The following SUGCT variants were observed in gnomAD, a reference collection of about 807,000 sequenced individuals.
SUGCT encodes succinyl-CoA:glutarate CoA-transferase.
A neutral mutation model predicts 55.0 loss-of-function variants in SUGCT; 41 were observed. The ratio of observed to expected loss-of-function variants is 0.74; its 90% CI spans 0.58 to 0.97. SUGCT has a LOEUF of 0.97. SUGCT is among the 50% of genes least tolerant of loss of function. The probability of loss-of-function intolerance (pLI) is 0.00; values close to 1 mark genes in which losing one functional copy is unlikely to be tolerated. For synonymous variants in SUGCT, 187 were observed against 200.4 expected, an observed-to-expected ratio of 0.93 and a Z score of 0.56; for missense variants, 568 against 547.8, an observed-to-expected ratio of 1.04 and a Z score of -0.37.
intron 12 of SUGCT, among the ~76,000 whole-genome samples, chr7:40,722,086 G>A (rs923433167): frequency 1.3e-5 from 2 of 151,042 alleles, no homozygotes; most frequent in African/African-American, 2.4e-5. Context: ...TTTTTTTAAC[G>A]TCTTTGAATG....
chr7:40,333,619 A>G (rs1337606066), intron 9 of SUGCT, among the ~76,000 whole-genome samples: 1 of 112,802 alleles, frequency 8.9e-6, no homozygotes, highest in Non-Finnish European at 1.7e-5. Flanking sequence ...CCTGGGTGAC[A>G]GGGCGAGACT....
chr7:40,540,027 C>G (rs1010744599), intron 12 of SUGCT, among the ~76,000 whole-genome samples: 1 of 152,154 alleles, frequency 6.6e-6, no homozygotes, highest in Non-Finnish European at 1.5e-5. Context: ...TGAACTCACA[C>G]AGAAATAAGT....
chr7:40,804,773 G>A (rs1057478161), intron 13 of SUGCT, among the ~76,000 whole-genome samples: 1 of 152,106 alleles, frequency 6.6e-6, no homozygotes, highest in Non-Finnish European at 1.5e-5. Context: ...CAGTGCCATT[G>A]CCATTAAAAT....
chr7:40,544,986 C>G (rs546721001), intron 12 of SUGCT, among the ~76,000 whole-genome samples: 2 of 152,172 alleles, frequency 1.3e-5, no homozygotes, highest in Non-Finnish European at 2.9e-5. Context: ...CAGCCCTCTC[C>G]TCTCCCCCAC....
At chr7:40,974,993 T>C in the SUGCT span, among the ~76,000 whole-genome samples, 44 of 152,312 alleles carry the variant, frequency 2.9e-4, no homozygotes, top group Non-Finnish European at 5.7e-4. Flanking sequence ...TACCAGAATA[T>C]TCATGCACCT....
chr7:40,322,529 C>T (rs1795810416), intron 9 of SUGCT, among the ~76,000 whole-genome samples: 1 of 152,208 alleles, frequency 6.6e-6, no homozygotes, highest in African/African-American at 2.4e-5. Context: ...ATTCCTTTGG[C>T]AGCAGGAATT....
the SUGCT span, among the ~76,000 whole-genome samples, chr7:41,000,873 A>T: frequency 6.6e-6 from 1 of 152,200 alleles, no homozygotes. Flanking sequence ...TCATCAAGGG[A>T]TAACTCTTAG....
At chr7:40,350,440 A>G (rs990722931) in intron 9 of SUGCT, among the ~76,000 whole-genome samples, 1 of 150,660 alleles carries the variant, frequency 6.6e-6, no homozygotes, top group Non-Finnish European at 1.5e-5. Flanking sequence ...CAGCCTCCCA[A>G]GTAGCTGGAA....
chr7:40,495,258 A>G lies in SUGCT; in HGVS notation c.987-1026A>G, dbSNP rs1466709291. Among the ~76,000 whole-genome samples the G allele has an allele frequency of 2.0e-5, 3 of 150,980 alleles. No individual in the cohort carries two copies. In the East Asian group the frequency reaches 5.8e-4, roughly 29 times the overall value. ...TTTTTTTTTTAATGGTGAAAGAAGTAAATTTAATACATTTTCCTCTGGAGT... is the reference window on the plus strand; with the variant it reads ...TTTTTTTTTTAATGGTGAAAGAAGTGAATTTAATACATTTTCCTCTGGAGT... On this transcript the variant is annotated intron_variant, in intron 11 of 13. Coordinates refer to ENST00000335693, the MANE Select transcript of SUGCT (RefSeq NM_001193313.2).
chr7:40,176,760 G>A (rs1784942731), intron 1 of SUGCT, among the ~76,000 whole-genome samples: 1 of 151,686 alleles, frequency 6.6e-6, no homozygotes, highest in Non-Finnish European at 1.5e-5. Context: ...ATCACCTGAG[G>A]TCAGGAGTTT....
intron 1 of SUGCT, chr7:40,154,179 A>C (rs775433822): frequency 2.1e-5 from 4 of 192,400 alleles, no homozygotes; most frequent in Non-Finnish European, 4.4e-5. Flanking sequence ...GAAGCTAACT[A>C]ATAGTACTCG....
the SUGCT span, among the ~76,000 whole-genome samples, chr7:40,931,539 A>G: frequency 1.3e-5 from 2 of 152,100 alleles, no homozygotes; most frequent in Non-Finnish European, 2.9e-5. Flanking sequence ...TCGGCTGTAA[A>G]TCTGTCTGGT....
At chr7:41,002,938 A>G in the SUGCT span, among the ~76,000 whole-genome samples, 1 of 152,134 alleles carries the variant, frequency 6.6e-6, no homozygotes, top group African/African-American at 2.4e-5. Context: ...TATATAAAGC[A>G]TCTAGCACAG....
chr7:40,745,101 C>T (rs969812479), intron 12 of SUGCT, among the ~76,000 whole-genome samples: 3 of 152,146 alleles, frequency 2.0e-5, no homozygotes, highest in Non-Finnish European at 2.9e-5. Context: ...TAAGTGCTAT[C>T]GTGTTTGTTG....
At chr7:40,157,537 A>G (rs374082974) in intron 1 of SUGCT, among the ~76,000 whole-genome samples, 48 of 152,230 alleles carry the variant, frequency 3.2e-4, no homozygotes, top group African/African-American at 1.0e-3. Flanking sequence ...ATCAATATAG[A>G]GATTAAAAAC....
At chr7:40,448,714 A>G (rs949865075) in intron 9 of SUGCT, among the ~76,000 whole-genome samples, 4 of 152,086 alleles carry the variant, frequency 2.6e-5, no homozygotes, top group South Asian at 2.1e-4. Flanking sequence ...GCATGATGCC[A>G]TGCACCTGTA....
chr7:40,175,411 G>T (rs1033396253), intron 1 of SUGCT, among the ~76,000 whole-genome samples: 1 of 152,054 alleles, frequency 6.6e-6, no homozygotes, highest in Admixed American at 6.6e-5. Flanking sequence ...GTAGAGACAG[G>T]GTTTCGCCAT....
At chr7:40,661,268 T>A (rs1231679853) in intron 12 of SUGCT, among the ~76,000 whole-genome samples, 4 of 152,202 alleles carry the variant, frequency 2.6e-5, no homozygotes, top group Non-Finnish European at 4.4e-5. Flanking sequence ...CTCATCATGT[T>A]ACACTGAAAA....
intron 8 of SUGCT, among the ~76,000 whole-genome samples, chr7:40,279,163 T>G (rs1042292145): frequency 2.0e-5 from 3 of 152,070 alleles, no homozygotes; most frequent in Admixed American, 2.0e-4. Context: ...TACATTCTTA[T>G]ACCGTATTAT....
Sources: allele counts gnomAD v4.1 joint callset (sites outside exome capture counted in the v4.1 genomes callset), GRCh38; gene constraint gnomAD v4.1.1; transcripts MANE v1.5; gene names NCBI Gene and HGNC (gene_info 2026-07-23, HGNC 2026-07-21).